Variants in GREB1L observed in about 807,000 individuals in gnomAD.
The protein encoded by GREB1L is GREB1-like protein.
A neutral mutation model predicts 200.8 loss-of-function variants in GREB1L; 17 were observed. The observed-to-expected ratio is 0.08, with a 90% CI of 0.06 to 0.13. The LOEUF is 0.13. Among genes scored for constraint, GREB1L ranks in the 10% least tolerant of loss-of-function variants. The pLI, the probability that GREB1L is intolerant of heterozygous loss-of-function variation, is 1.00. For missense variants in GREB1L, 1,657 were observed against 2,367.7 expected, an observed-to-expected ratio of 0.70 and a Z score of 6.23; for synonymous variants, 789 against 893.0, an observed-to-expected ratio of 0.88 and a Z score of 2.08.
At chr18:21,390,071 T>G (rs189782810) in intron 4 of GREB1L, among the ~76,000 whole-genome samples, 1 of 152,214 alleles carries the variant, frequency 6.6e-6, no homozygotes, top group Non-Finnish European at 1.5e-5. Context: ...AACTGAAAAA[T>G]GTCTGTTGCC....
Position 21,428,710 on chromosome 18 carries a change from CTTTTTTTTTTTT to C in GREB1L, c.833-10799_833-10788del, listed in dbSNP as rs747598415. ...GCAATGGCATGATCGCGGTTTATCT[CTTTTTTTTTTTT>C]TTTTTTTTTTTGAGACGGAGTGTCG... On this transcript the variant is annotated intron_variant, in intron 7 of 32. Transcript: ENST00000424526. Among the ~76,000 whole-genome samples, 4 of 49,926 alleles carry C rather than the reference CTTTTTTTTTTTT, an allele frequency of 8.0e-5. No homozygotes were observed. In the Admixed American group the frequency reaches 8.1e-4, roughly 10 times the overall value. The allele number at this position is 49,926 out of a possible 152,430, so 32.8% of individuals were successfully genotyped here.
intron 7 of GREB1L, among the ~76,000 whole-genome samples, chr18:21,422,222 C>G (rs2032214532): frequency 6.6e-6 from 1 of 152,130 alleles, no homozygotes; most frequent in South Asian, 2.1e-4. Flanking sequence ...CCTCACAGCC[C>G]CATGGTTCAA....
At chr18:21,307,333 T>G (rs974689749) in intron 1 of GREB1L, among the ~76,000 whole-genome samples, 2 of 152,232 alleles carry the variant, frequency 1.3e-5, no homozygotes, top group African/African-American at 4.8e-5. Context: ...GATTTGGGGC[T>G]GACCGACTTG....
intron 4 of GREB1L, among the ~76,000 whole-genome samples, chr18:21,388,630 C>T (rs112041187): frequency 0.015 from 2,299 of 149,626 alleles, 66 homozygotes; most frequent in African/African-American, 0.053. Context: ...CTGCAAGCTC[C>T]GCCTCCCGGG....
chr18:21,499,833 G>C lies in GREB1L; in HGVS notation c.3496G>C (p.Asp1166His), dbSNP rs1445342647. Residue 1166 changes from aspartate (D) to histidine (H), a missense_variant, in exon 22 of 33, where the codon GAT becomes CAT. By Grantham distance (81) the Asp-to-His change is moderately conservative. Coordinates refer to ENST00000424526, the MANE Select transcript of GREB1L (RefSeq NM_001142966.3). Reference sequence around the variant, plus strand: ...GAGCCCAGCCACCAGCTTGGGGCTGGATGAAGGGGTCTCCGCCAGCTCAGC... The same window carrying C: ...GAGCCCAGCCACCAGCTTGGGGCTGCATGAAGGGGTCTCCGCCAGCTCAGC... ...FQSPATSLGL[D>H]EGVSASSAGA... is the part of the protein sequence containing the mutation. The C allele has an allele frequency of 6.4e-7, 1 of 1,551,772 alleles. No homozygotes were observed. Among genetic ancestry groups the C allele is most frequent in the Non-Finnish European group, 8.7e-7 (1 of 1,146,986 alleles).
At chr18:21,510,694 T>G (rs539996168) in intron 27 of GREB1L, among the ~76,000 whole-genome samples, 1 of 152,344 alleles carries the variant, frequency 6.6e-6, no homozygotes, top group Admixed American at 6.5e-5. Flanking sequence ...CTCTTCTGGG[T>G]ATGTATCTAG....
Position 21,441,409 on chromosome 18 carries a change from T to C in GREB1L, c.1079T>C (p.Leu360Ser). ...VRPLSRTEPLLSAPVPQTPLT... is the reference protein window; with the variant it reads ...VRPLSRTEPLSSAPVPQTPLT... Reference sequence around the variant, plus strand: ...ACTTTTTTTTTTCCAGAGCCCCTTTTATCTGCCCCAGTTCCACAGACCCCA... The same window carrying C: ...ACTTTTTTTTTTCCAGAGCCCCTTTCATCTGCCCCAGTTCCACAGACCCCA... The change falls in exon 10 of 33, where the codon TTA (leucine) becomes TCA (serine). Residue 360 changes from leucine (L) to serine (S), a missense_variant. Leu to Ser is a moderately radical substitution (Grantham distance 145). Around this residue, in one of 9 missense-constraint regions of GREB1L, gnomAD observed 289 missense variants for 345.1 expected, o/e 0.84. Transcript: ENST00000424526. The C allele has an allele frequency of 1.3e-6, 2 of 1,534,282 alleles. No homozygotes were observed. Among genetic ancestry groups the C allele is most frequent in the Non-Finnish European group, 1.8e-6 (2 of 1,142,226 alleles).
At chr18:21,403,006 A>G (rs1347082387) in intron 6 of GREB1L, among the ~76,000 whole-genome samples, 5 of 152,078 alleles carry the variant, frequency 3.3e-5, no homozygotes, top group South Asian at 2.1e-4. Context: ...ATAGCTCTTC[A>G]TAGCAGGTCA....
intron 1 of GREB1L, among the ~76,000 whole-genome samples, chr18:21,293,295 A>C (rs922055543): frequency 5.9e-5 from 9 of 152,202 alleles, no homozygotes; most frequent in Admixed American, 5.9e-4. Context: ...TAGACTTGGC[A>C]AGGTGAGGCA....
chr18:21,419,647 A>G (rs2031975241), intron 7 of GREB1L, among the ~76,000 whole-genome samples: 1 of 152,196 alleles, frequency 6.6e-6, no homozygotes. Context: ...ACAGGGTTTC[A>G]CCATGTTGAC....
At chr18:21,439,991 T>G (rs940532123) in intron 8 of GREB1L, among the ~76,000 whole-genome samples, 1 of 152,234 alleles carries the variant, frequency 6.6e-6, no homozygotes, top group African/African-American at 2.4e-5. Flanking sequence ...ATATTTGCCC[T>G]ACAACTCCAC....
At chr18:21,247,343 TCAG>T (rs1233189079) in intron 1 of GREB1L, among the ~76,000 whole-genome samples, 1 of 152,226 alleles carries the variant, frequency 6.6e-6, no homozygotes, top group African/African-American at 2.4e-5. Flanking sequence ...ATGAGTATCT[TCAG>T]CAGTCCCTAC....
At chr18:21,451,252 C>A in intron 13 of GREB1L, 101 bp downstream of exon 13, 1 of 1,256,180 alleles carries the variant, frequency 8.0e-7, no homozygotes, top group Non-Finnish European at 1.1e-6. Flanking sequence ...CTCAAGCTTG[C>A]CAGCTGATCT....
chr18:21,508,717 A>T, intron 27 of GREB1L, 126 bp downstream of exon 27: 16 of 573,308 alleles, frequency 2.8e-5, no homozygotes, highest in Middle Eastern at 5.3e-4. Context: ...ACTCTTCGGA[A>T]AAAAAAAAAA....
At chr18:21,521,371 CAAA>C (rs35132178) in intron 32 of GREB1L, among the ~76,000 whole-genome samples, 4 of 120,864 alleles carry the variant, frequency 3.3e-5, no homozygotes, top group Admixed American at 1.7e-4. Context: ...AACTCCATCT[CAAA>C]AAAAAAAAAA....
At chr18:21,352,829 A>G (rs769643689) in intron 1 of GREB1L, among the ~76,000 whole-genome samples, 1 of 152,072 alleles carries the variant, frequency 6.6e-6, no homozygotes, top group Non-Finnish European at 1.5e-5. Context: ...CACCCACATA[A>G]TGTGATTATA....
intron 1 of GREB1L, among the ~76,000 whole-genome samples, chr18:21,362,088 A>G (rs2039588397): frequency 6.6e-6 from 1 of 152,082 alleles, no homozygotes; most frequent in African/African-American, 2.4e-5. Context: ...TTGTGATATG[A>G]TTTTACATAC....
chr18:21,518,015 A>G lies in GREB1L; in HGVS notation c.5272-19A>G. ...AGTGACAGACAAGTTTCCCATGATCATCTCGCCTCTGATTTCAGGTGTCAG... is the reference window on the plus strand; with the variant it reads ...AGTGACAGACAAGTTTCCCATGATCGTCTCGCCTCTGATTTCAGGTGTCAG... On this transcript the variant is annotated intron_variant, in intron 30 of 32. Coordinates refer to ENST00000424526, the MANE Select transcript of GREB1L (RefSeq NM_001142966.3). 1 of 1,542,330 alleles carries G rather than the reference A, an allele frequency of 6.5e-7. No homozygotes were observed. The highest frequency in any genetic ancestry group is 8.8e-7 in the Non-Finnish European group (1 of 1,138,756).
intron 1 of GREB1L, among the ~76,000 whole-genome samples, 169 bp from the exon 2 acceptor site, chr18:21,365,858 A>G (rs2039666036): frequency 6.6e-6 from 1 of 152,094 alleles, no homozygotes. Flanking sequence ...GAGTATCTGT[A>G]TATTTGCTCA....
Sources: allele counts gnomAD v4.1 joint callset (sites outside exome capture counted in the v4.1 genomes callset), GRCh38; gene constraint gnomAD v4.1.1; regional missense constraint gnomAD v4.1.1; transcripts MANE v1.5; gene names NCBI Gene and HGNC (gene_info 2026-07-23, HGNC 2026-07-21).